The following ELK4 variants were observed in gnomAD, a reference collection of about 807,000 sequenced individuals.
ELK4 encodes ETS domain-containing protein Elk-4.
A neutral mutation model predicts 29.6 loss-of-function variants in ELK4; 16 were observed. That is an observed-to-expected ratio of 0.54 (90% CI 0.37 to 0.82). The LOEUF is 0.82. Ranked by LOEUF, ELK4 falls within the 40% of genes least tolerant of loss-of-function variation. ELK4 has a pLI of 0.00. For missense variants in ELK4, 465 were observed against 507.1 expected, an observed-to-expected ratio of 0.92 and a Z score of 0.80; for synonymous variants, 213 against 191.1, an observed-to-expected ratio of 1.11 and a Z score of -0.95.
intron 1 of ELK4, among the ~76,000 whole-genome samples, chr1:205,624,764 C>T (rs1670420181): frequency 6.6e-6 from 1 of 152,164 alleles, no homozygotes; most frequent in African/African-American, 2.4e-5. Context: ...CCTCTACCCA[C>T]TAGATGCCAG....
In ELK4 at chr1:205,620,126, A is replaced by G. The variant is rs779945477; in HGVS notation, c.920T>C (p.Leu307Ser). 3.5e-5 allele frequency: 56 copies of G among 1,614,096 alleles called. No individual in the cohort carries two copies. The highest frequency in any genetic ancestry group is 4.7e-5 in the Non-Finnish European group (55 of 1,180,058). The part of the protein sequence containing the change: ...SLEPKDQDSV[L>S]LEKDKVNNSS... Reference sequence around the variant, plus strand: ...ATTATTTACTTTGTCCTTTTCTAGCAAGACTGAATCCTGGTCTTTAGGCTC... The same window carrying G: ...ATTATTTACTTTGTCCTTTTCTAGCGAGACTGAATCCTGGTCTTTAGGCTC... Residue 307 changes from leucine (L) to serine (S), a missense_variant, in exon 3 of 5, where the codon TTG becomes TCG. Leu to Ser is a moderately radical substitution (Grantham distance 145). Around this residue, in one of 2 missense-constraint regions of ELK4, gnomAD observed 385 missense variants for 387.5 expected, o/e 0.99. Coordinates refer to ENST00000357992, the MANE Select transcript of ELK4 (RefSeq NM_001973.4).
Position 205,620,756 on chromosome 1 carries a change from G to A in ELK4, c.290C>T (p.Thr97Ile), listed in dbSNP as rs778738301. 1 of 1,613,900 alleles carries A rather than the reference G, an allele frequency of 6.2e-7. No homozygotes were observed. Among genetic ancestry groups the A allele is most frequent in the Non-Finnish European group, 8.5e-7 (1 of 1,179,992 alleles). ...ACAGTCACCCTCAATCCTGCCCACT[G>A]TCATTGGATCCATGTTCAAAATCTC... ...YPEILNMDPMTVGRIEGDCES... is the reference protein window; with the variant it reads ...YPEILNMDPMIVGRIEGDCES... Residue 97 changes from threonine (T) to isoleucine (I), a missense_variant, in exon 3 of 5, where the codon ACA (threonine) becomes ATA (isoleucine). Thr to Ile is a moderately conservative substitution (Grantham distance 89). Coordinates refer to ENST00000357992, the MANE Select transcript of ELK4 (RefSeq NM_001973.4).
intron 1 of ELK4, among the ~76,000 whole-genome samples, chr1:205,631,017 C>G (rs1470323411): frequency 1.3e-5 from 2 of 152,254 alleles, no homozygotes; most frequent in African/African-American, 4.8e-5. Flanking sequence ...AACAACATCC[C>G]TATTTCCTTC....
intron 1 of ELK4, among the ~76,000 whole-genome samples, chr1:205,624,862 A>T (rs1374905125): frequency 6.6e-6 from 1 of 152,202 alleles, no homozygotes; most frequent in Non-Finnish European, 1.5e-5. Context: ...CCCGGTAGAT[A>T]ACCATTGGTT....
rs1027971897 is a variant in ELK4 at position 205,611,442 on chromosome 1, A to G, written c.*5104T>C. 16 of 208,986 alleles carry G rather than the reference A, an allele frequency of 7.7e-5. No homozygotes were observed. Among genetic ancestry groups the G allele is most frequent in the African/African-American group, 3.2e-4 (14 of 44,026 alleles). 12.9% of individuals were successfully genotyped at this position (208,986 alleles called of 1,614,324 possible). A position where few individuals can be genotyped will look rare whatever the true frequency, so the allele number is the denominator to read the frequency against. ...GCAGAGTTCTGATGACATAAGAGGA[A>G]TAACAGGGCACTTTGTTTCAGGCAA... is the stretch of plus-strand genomic sequence containing the variant. On this transcript the variant is annotated 3_prime_UTR_variant, in exon 5 of 5. Coordinates refer to ENST00000357992, the MANE Select transcript of ELK4 (RefSeq NM_001973.4).
chr1:205,620,462 G>C lies in ELK4; in HGVS notation c.584C>G (p.Pro195Arg). ...AGGTTCAACCGGTGGCTTTTTGGAA[G>C]GTGTCGTGACAAATTTGATGACAGA... is the stretch of plus-strand genomic sequence containing the variant. ...TPSVIKFVTTPSKKPPVEPVA... is the reference protein window; with the variant it reads ...TPSVIKFVTTRSKKPPVEPVA... Residue 195 changes from proline (P) to arginine (R), a missense_variant, in exon 3 of 5, where the codon CCT becomes CGT. Transcript: ENST00000357992. 6.2e-7 allele frequency: 1 copy of C among 1,614,164 alleles called. No individual in the cohort carries two copies. The highest frequency in any genetic ancestry group is 8.5e-7 in the Non-Finnish European group (1 of 1,180,026).
rs1670183416 is a variant in ELK4, at chr1:205,613,365, A to G, written c.*3181T>C. ...TTTCTAAAAAAAGAAAAAGAAAAAG[A>G]TCACTGAAGTCAGACATGATATTTT... On this transcript the variant is annotated 3_prime_UTR_variant, in exon 5 of 5. Coordinates refer to ENST00000357992, the MANE Select transcript of ELK4 (RefSeq NM_001973.4). 1 of 184,942 alleles carries G rather than the reference A, an allele frequency of 5.4e-6. No individual in the cohort carries two copies. The highest frequency in any genetic ancestry group is 1.1e-5 in the Non-Finnish European group (1 of 87,242). The allele number at this position is 184,942 out of a possible 1,614,324, so 11.5% of individuals were successfully genotyped here.
At chr1:205,628,467 G>A (rs1670508526) in intron 1 of ELK4, among the ~76,000 whole-genome samples, 1 of 152,192 alleles carries the variant, frequency 6.6e-6, no homozygotes, top group Non-Finnish European at 1.5e-5. Flanking sequence ...AGATGATGAA[G>A]GAAAGACAGA....
chr1:205,631,262 G>A (rs1176262474), intron 1 of ELK4, among the ~76,000 whole-genome samples: 9 of 151,770 alleles, frequency 5.9e-5, no homozygotes, highest in African/African-American at 1.7e-4. Context: ...TGGGGGAAGA[G>A]GTGCAACCTC....
rs757935054 is a variant in ELK4, at chr1:205,619,955, G to A, written c.1080+11C>T. ...AAGCAATGGTGACACCATAAAGAGC[G>A]AGCAAGCTACCTGTGAAAAAAATGC... On this transcript the variant is annotated intron_variant, in intron 3 of 4. Transcript: ENST00000357992. The A allele has an allele frequency of 3.0e-5, 49 of 1,614,064 alleles. No individual in the cohort carries two copies. In the East Asian group the frequency reaches 5.1e-4, roughly 17 times the overall value.
At chr1:205,624,709 G>C (rs1260712876) in intron 1 of ELK4, among the ~76,000 whole-genome samples, 1 of 151,988 alleles carries the variant, frequency 6.6e-6, no homozygotes, top group Non-Finnish European at 1.5e-5. Context: ...TCTTTGTTGT[G>C]GGAAGCTGTC....
Position 205,620,028 on chromosome 1 carries a change from G to A in ELK4, c.1018C>T (p.Pro340Ser). 6.2e-7 allele frequency: 1 copy of A among 1,614,210 alleles called. No homozygotes were observed. The highest frequency in any genetic ancestry group is 8.5e-7 in the Non-Finnish European group (1 of 1,180,044). ...AGAGATGGGCTCAGTATTCCCAGTG[G>A]GCTTGGATCACTGCTCGTGATCACA... ...TLVITSSDPS[P>S]LGILSPSLPT... The change falls in exon 3 of 5, where the codon CCA becomes TCA. Residue 340 changes from proline to serine, a missense_variant. This residue lies in a region of ELK4 where 80 missense variants were observed against 119.6 expected (regional missense o/e 0.67). Transcript: ENST00000357992.
chr1:205,618,683 C>T (rs548587125), intron 4 of ELK4, among the ~76,000 whole-genome samples: 41 of 152,194 alleles, frequency 2.7e-4, no homozygotes, highest in Middle Eastern at 3.4e-3. Flanking sequence ...ATCAACCAGA[C>T]GTGGTGTTGC....
rs1670229275 is a variant in ELK4, at chr1:205,616,185, G to C, written c.*361C>G. On this transcript the variant is annotated 3_prime_UTR_variant, in exon 5 of 5. Coordinates refer to ENST00000357992, the MANE Select transcript of ELK4 (RefSeq NM_001973.4). Reference sequence around the variant, plus strand: ...GCCAAAGGGTCCCAATAGCCAGAAGGAGTAACTTTGTTCTTAATTGCTTTT... The same window carrying C: ...GCCAAAGGGTCCCAATAGCCAGAAGCAGTAACTTTGTTCTTAATTGCTTTT... 2 of 260,840 alleles carry C rather than the reference G, an allele frequency of 7.7e-6. No homozygotes were observed. Among genetic ancestry groups the C allele is most frequent in the African/African-American group, 4.3e-5 (2 of 46,356 alleles). 16.2% of individuals were successfully genotyped at this position (260,840 alleles called of 1,614,324 possible).
chr1:205,614,931 A>C lies in ELK4; in HGVS notation c.*1615T>G, dbSNP rs191206783. 4.6e-6 allele frequency: 1 copy of C among 216,760 alleles called. No individual in the cohort carries two copies. Among genetic ancestry groups the C allele is most frequent in the African/African-American group, 2.3e-5 (1 of 44,384 alleles). The allele number at this position is 216,760 out of a possible 1,614,324, so 13.4% of individuals were successfully genotyped here. ...TTCAAAAGACTCCACTGTGATACTGATATCAATTCAGTTTGGGGAACCAAC... is the reference window on the plus strand; with the variant it reads ...TTCAAAAGACTCCACTGTGATACTGCTATCAATTCAGTTTGGGGAACCAAC... On this transcript the variant is annotated 3_prime_UTR_variant, in exon 5 of 5. Transcript: ENST00000357992.
chr1:205,613,721 G>T lies in ELK4; in HGVS notation c.*2825C>A, dbSNP rs1010827561. ...TTAAACATTTCTAGCACACGACTGA[G>T]TGGATAGCGACCAGAGCAGAAGGAA... On this transcript the variant is annotated 3_prime_UTR_variant, in exon 5 of 5. Coordinates refer to ENST00000357992, the MANE Select transcript of ELK4 (RefSeq NM_001973.4). 2.1e-5 allele frequency: 3 copies of T among 139,794 alleles called. No individual in the cohort carries two copies. Among genetic ancestry groups the T allele is most frequent in the Non-Finnish European group, 4.2e-5 (3 of 71,142 alleles). 8.7% of individuals were successfully genotyped at this position (139,794 alleles called of 1,614,324 possible). A position where few individuals can be genotyped will look rare whatever the true frequency, so the allele number is the denominator to read the frequency against.
intron 1 of ELK4, chr1:205,625,988 C>T: frequency 1.5e-6 from 2 of 1,302,960 alleles, no homozygotes; most frequent in Non-Finnish European, 1.1e-6. Flanking sequence ...AGTTCTACTT[C>T]TTGATCCAGA....
At chr1:205,631,307 TC>T (rs1376745310) in intron 1 of ELK4, among the ~76,000 whole-genome samples, 2 of 152,312 alleles carry the variant, frequency 1.3e-5, no homozygotes, top group African/African-American at 2.4e-5. Flanking sequence ...TACTGTACTT[TC>T]ATTTTCCAAC....
In ELK4 at chr1:205,612,422, A is replaced by C. The variant is rs1670164970; in HGVS notation, c.*4124T>G. ...TACTTTTTATGCCATCCTTCACTTC[A>C]ATTTTTGTGTATTTTTTTATAACAC... On this transcript the variant is annotated 3_prime_UTR_variant, in exon 5 of 5. Transcript: ENST00000357992. The C allele has an allele frequency of 4.6e-6, 1 of 217,760 alleles. No homozygotes were observed. Among genetic ancestry groups the C allele is most frequent in the Non-Finnish European group, 9.2e-6 (1 of 108,314 alleles). 13.5% of individuals were successfully genotyped at this position (217,760 alleles called of 1,614,324 possible).
Sources: allele counts gnomAD v4.1 joint callset (sites outside exome capture counted in the v4.1 genomes callset), GRCh38; gene constraint gnomAD v4.1.1; regional missense constraint gnomAD v4.1.1; transcripts MANE v1.5; gene names NCBI Gene and HGNC (gene_info 2026-07-23, HGNC 2026-07-21).